FNBP1: variants seen among roughly 807,000 people sequenced by gnomAD.
FNBP1 encodes the protein formin-binding protein 1.
FNBP1 carries 26 observed loss-of-function variants against 90.6 expected under a neutral mutation model. The ratio of observed to expected loss-of-function variants is 0.29; its 90% confidence interval spans 0.21 to 0.40. FNBP1 has a LOEUF of 0.40. Ranked by LOEUF, FNBP1 falls within the 10% of genes least tolerant of loss-of-function variation. The pLI is 1.00. For synonymous variants in FNBP1, 260 were observed against 265.2 expected (o/e 0.98, Z 0.19); for missense variants, 635 against 768.0 (o/e 0.83, Z 2.05).
chr9:129,939,761 G>A (rs371515874), intron 6 of FNBP1, among the ~76,000 whole-genome samples: 3 of 152,106 alleles, frequency 2.0e-5, no homozygotes, highest in South Asian at 2.1e-4. Flanking sequence ...TAAGATTCCC[G>A]GAGAAAAAAC....
chr9:129,924,602 C>T (rs575473868), intron 9 of FNBP1, among the ~76,000 whole-genome samples: 1 of 152,138 alleles, frequency 6.6e-6, no homozygotes, highest in Non-Finnish European at 1.5e-5. Context: ...GTAACGATTT[C>T]CAGTAGATGT....
chr9:129,905,986 C>T (rs1037624359), intron 12 of FNBP1, among the ~76,000 whole-genome samples: 21 of 151,482 alleles, frequency 1.4e-4, no homozygotes, highest in African/African-American at 2.7e-4. Context: ...TGGGTTCAAG[C>T]GACTCTCCTG....
upstream of FNBP1, among the ~76,000 whole-genome samples, chr9:130,046,943 G>A (rs2060064132): frequency 6.6e-6 from 1 of 151,580 alleles, no homozygotes; most frequent in Non-Finnish European, 1.5e-5. Context: ...ACCCAAAAAG[G>A]AGGACTTGAG....
chr9:129,977,066 G>A (rs1413890800), intron 4 of FNBP1, among the ~76,000 whole-genome samples: 2 of 151,742 alleles, frequency 1.3e-5, no homozygotes, highest in East Asian at 3.9e-4. Flanking sequence ...TACTGAGGGA[G>A]GAGAATCGCT....
intron 6 of FNBP1, among the ~76,000 whole-genome samples, chr9:129,939,141 C>A (rs2043941870): frequency 6.6e-6 from 1 of 152,138 alleles, no homozygotes; most frequent in Non-Finnish European, 1.5e-5. Context: ...ATAATCCCAG[C>A]ACTTTGGGAG....
chr9:129,907,580 G>GGTGTGTGT (rs55973122), intron 12 of FNBP1, among the ~76,000 whole-genome samples: 128 of 147,198 alleles, frequency 8.7e-4, no homozygotes, highest in African/African-American at 2.8e-3. Flanking sequence ...TAGGAGTGAG[G>GGTGTGTGT]GTGTGTGTGT....
chr9:130,003,364 G>A (rs1016820841), intron 1 of FNBP1, among the ~76,000 whole-genome samples: 12 of 152,148 alleles, frequency 7.9e-5, no homozygotes, highest in Non-Finnish European at 1.2e-4. Context: ...AGCAGTTAGG[G>A]AGGCTGAAGC....
chr9:129,895,620 T>C (rs1224456193), intron 16 of FNBP1: 1 of 1,238,174 alleles, frequency 8.1e-7, no homozygotes. Flanking sequence ...CACATAAAAT[T>C]TCATCAGCAA....
intron 2 of FNBP1, among the ~76,000 whole-genome samples, chr9:129,983,311 T>C (rs1363407104): frequency 6.6e-6 from 1 of 152,214 alleles, no homozygotes; most frequent in African/African-American, 2.4e-5. Context: ...TTGACAATAC[T>C]GGCATATATA....
At chr9:129,977,950 C>G (rs1379924000) in intron 4 of FNBP1, among the ~76,000 whole-genome samples, 1 of 152,002 alleles carries the variant, frequency 6.6e-6, no homozygotes, top group Non-Finnish European at 1.5e-5. Flanking sequence ...TTCAGAGTGT[C>G]TGAAGGACCC....
chr9:129,915,728 C>T (rs1313062060), intron 11 of FNBP1, among the ~76,000 whole-genome samples: 1 of 152,108 alleles, frequency 6.6e-6, no homozygotes, highest in African/African-American at 2.4e-5. Context: ...AGGAATAACA[C>T]CAAGTCGTGA....
intron 16 of FNBP1, among the ~76,000 whole-genome samples, chr9:129,894,288 C>T (rs1437273894): frequency 1.3e-5 from 2 of 152,176 alleles, no homozygotes; most frequent in East Asian, 1.9e-4. Flanking sequence ...CAACCATCTA[C>T]GCATGTGACC....
At chr9:129,904,784 C>T (rs2037660393) in intron 12 of FNBP1, among the ~76,000 whole-genome samples, 1 of 152,098 alleles carries the variant, frequency 6.6e-6, no homozygotes, top group Admixed American at 6.6e-5. Context: ...CTGTCTGTCT[C>T]CTCCTGTTAC....
At chr9:129,995,668 TCCC>T (rs1411005666) in intron 1 of FNBP1, among the ~76,000 whole-genome samples, 1 of 151,904 alleles carries the variant, frequency 6.6e-6, no homozygotes, top group Non-Finnish European at 1.5e-5. Flanking sequence ...CATGACTCTG[TCCC>T]CCCAAATAAA....
chr9:130,042,223 C>G lies in FNBP1; in HGVS notation c.24+729G>C, dbSNP rs1459036799. On this transcript the variant is annotated intron_variant, in intron 1 of 16. Transcript: ENST00000446176. This position sits in a 1 kb window ranked among gnomAD's most constrained non-coding sequence, Gnocchi z 5.5. ...ACTTTCCCCACTGGAAACTATTCTCCGAGCAACCGTTAAAGATCATTGACC... is the reference window on the plus strand; with the variant it reads ...ACTTTCCCCACTGGAAACTATTCTCGGAGCAACCGTTAAAGATCATTGACC... Among the ~76,000 whole-genome samples the G allele has an allele frequency of 1.3e-5, 2 of 152,116 alleles. No individual in the cohort carries two copies. The highest frequency in any genetic ancestry group is 4.8e-5 in the African/African-American group (2 of 41,426).
intron 1 of FNBP1, among the ~76,000 whole-genome samples, chr9:130,009,882 G>A (rs2056311553): frequency 6.6e-6 from 1 of 151,816 alleles, no homozygotes; most frequent in Non-Finnish European, 1.5e-5. Context: ...AGGAGGCTGA[G>A]GCAAGAGAAT....
At chr9:129,908,003 A>G (rs1365946991) in intron 12 of FNBP1, among the ~76,000 whole-genome samples, 3 of 152,072 alleles carry the variant, frequency 2.0e-5, no homozygotes, top group Non-Finnish European at 2.9e-5. Flanking sequence ...CTGGGATTAC[A>G]GGTGTGAGCC....
At chr9:129,951,242 C>T (rs2046122188) in intron 6 of FNBP1, among the ~76,000 whole-genome samples, 1 of 151,804 alleles carries the variant, frequency 6.6e-6, no homozygotes, top group South Asian at 2.1e-4. Context: ...CATGCGTGAG[C>T]CACCATGCCC....
chr9:129,916,686 A>G (rs1032262003), intron 10 of FNBP1, among the ~76,000 whole-genome samples: 2 of 152,160 alleles, frequency 1.3e-5, no homozygotes, highest in Non-Finnish European at 2.9e-5. Flanking sequence ...TCCCATGGAA[A>G]GTTTTATACA....
Sources: gnomAD v4.1 joint callset for allele counts (sites outside exome capture counted in the v4.1 genomes callset) on GRCh38, gnomAD v4.1.1 for gene constraint, Gnocchi (gnomAD v3.1) non-coding constraint, MANE v1.5 for transcripts, NCBI Gene and HGNC (gene_info 2026-07-23, HGNC 2026-07-21) for gene names.